Variants in SEMA6A observed in about 807,000 individuals in gnomAD.
SEMA6A encodes the protein semaphorin-6A.
Under a neutral mutation model 96.8 loss-of-function variants are expected in SEMA6A, and 25 were observed. The observed-to-expected ratio is 0.26, with a 90% CI of 0.19 to 0.36. The LOEUF (loss-of-function observed/expected upper bound fraction) is 0.36, where lower values mean the gene tolerates loss of function less well. Ranked by LOEUF, SEMA6A falls within the 10% of genes least tolerant of loss-of-function variation. SEMA6A has a pLI of 1.00. For missense variants in SEMA6A, 1,363 were observed against 1,323.1 expected (o/e 1.03, Z -0.47); for synonymous variants, 612 against 518.0 (o/e 1.18, Z -2.46).
chr5:116,564,497 G>C (rs142471823), intron 1 of SEMA6A, among the ~76,000 whole-genome samples: 2,498 of 152,276 alleles, frequency 0.016, 38 homozygotes, highest in Non-Finnish European at 0.024. Flanking sequence ...ACTGAAACAT[G>C]AAGTGTACCA....
At chr5:116,535,480 T>C (rs753104635) in intron 1 of SEMA6A, among the ~76,000 whole-genome samples, 30 of 152,186 alleles carry the variant, frequency 2.0e-4, no homozygotes, top group Non-Finnish European at 3.2e-4. Context: ...TCCTAATAAG[T>C]ATGTGATCTT....
Position 116,478,656 on chromosome 5 carries a change from A to C in SEMA6A, c.1313T>G (p.Val438Gly). ...AAGPYQNHTVVFLGSEKGIIL... is the reference protein window; with the variant it reads ...AAGPYQNHTVGFLGSEKGIIL... ...GATTCCCTTCTCTGATCCCAGAAAA[A>C]CCACAGTGTGATTCTGATATGGCCC... is the stretch of plus-strand genomic sequence containing the variant. Residue 438 changes from valine (V) to glycine (G), a missense_variant, in exon 13 of 19, where the codon GTT (valine) becomes GGT (glycine). Val to Gly is a moderately radical substitution (Grantham distance 109). This residue lies in a region of SEMA6A where 480 missense variants were observed against 559.5 expected (regional missense o/e 0.86). Transcript: ENST00000343348. The C allele has an allele frequency of 6.2e-7, 1 of 1,613,716 alleles. No individual in the cohort carries two copies. The highest frequency in any genetic ancestry group is 8.5e-7 in the Non-Finnish European group (1 of 1,179,818).
At chr5:116,473,931 C>T (rs948278996) in intron 16 of SEMA6A, among the ~76,000 whole-genome samples, 4 of 152,162 alleles carry the variant, frequency 2.6e-5, no homozygotes, top group Non-Finnish European at 5.9e-5. Flanking sequence ...CAAAGGCACA[C>T]TACAAAGCAC....
chr5:116,562,202 A>G (rs1760842841), intron 1 of SEMA6A, among the ~76,000 whole-genome samples: 1 of 152,222 alleles, frequency 6.6e-6, no homozygotes, highest in African/African-American at 2.4e-5. Context: ...TTACGAATCA[A>G]TTTAATTTCA....
At chr5:116,554,371 T>C (rs1760529640) in intron 1 of SEMA6A, among the ~76,000 whole-genome samples, 1 of 152,326 alleles carries the variant, frequency 6.6e-6, no homozygotes, top group Admixed American at 6.5e-5. Context: ...GCAAGCCCTA[T>C]CTAATGATTT....
chr5:116,489,758 T>C (rs1337510991), intron 7 of SEMA6A, among the ~76,000 whole-genome samples: 4 of 152,202 alleles, frequency 2.6e-5, no homozygotes, highest in African/African-American at 9.7e-5. Context: ...TGAGGGTAGA[T>C]CCCAGGCATA....
chr5:116,478,473 T>G, intron 13 of SEMA6A, 69 bp downstream of exon 13: 1 of 1,427,520 alleles, frequency 7.0e-7, no homozygotes, highest in Non-Finnish European at 9.4e-7. Context: ...GTCATGATTT[T>G]CTCTGAATGA....
chr5:116,448,713 T>A (rs1754431966), intron 18 of SEMA6A, among the ~76,000 whole-genome samples: 1 of 134,160 alleles, frequency 7.5e-6, no homozygotes, highest in South Asian at 2.3e-4. Context: ...ATAGCTAAAG[T>A]TCACAGACTA....
At chr5:116,475,428 ATTT>A in intron 16 of SEMA6A, 114 bp downstream of exon 16, 1 of 609,350 alleles carries the variant, frequency 1.6e-6, no homozygotes, top group South Asian at 2.6e-5. Flanking sequence ...GATTTCCGTC[ATTT>A]ACGCATGCTT....
intron 1 of SEMA6A, among the ~76,000 whole-genome samples, chr5:116,552,363 G>C (rs897780032): frequency 6.6e-6 from 1 of 152,078 alleles, no homozygotes; most frequent in Non-Finnish European, 1.5e-5. Context: ...GTCAAGGGGA[G>C]AAGTTCTATT....
At chr5:116,474,565 C>G (rs1477704384) in intron 16 of SEMA6A, among the ~76,000 whole-genome samples, 5 of 152,052 alleles carry the variant, frequency 3.3e-5, no homozygotes, top group Admixed American at 3.3e-4. Context: ...GATAAGTCTG[C>G]CTTTAGCCCT....
intron 1 of SEMA6A, among the ~76,000 whole-genome samples, chr5:116,573,629 GC>G (rs1483752417): frequency 6.6e-6 from 1 of 151,788 alleles, no homozygotes; most frequent in African/African-American, 2.4e-5. Context: ...ACGGAGCCCA[GC>G]CCAGACCCCA....
At chr5:116,488,797 A>C (rs985675259) in intron 8 of SEMA6A, 91 bp downstream of exon 8, 1 of 1,372,164 alleles carries the variant, frequency 7.3e-7, no homozygotes, top group African/African-American at 1.5e-5. Context: ...ACTCAAATGA[A>C]GATACAGTCT....
chr5:116,565,855 G>T (rs1215406490), intron 1 of SEMA6A, among the ~76,000 whole-genome samples: 2 of 152,062 alleles, frequency 1.3e-5, no homozygotes, highest in Non-Finnish European at 2.9e-5. Context: ...GGAAAGGAAC[G>T]TTTCCATTCA....
intron 16 of SEMA6A, 81 bp downstream of exon 16, chr5:116,475,464 C>T: frequency 1.1e-6 from 1 of 921,902 alleles, no homozygotes; most frequent in Non-Finnish European, 1.7e-6. Context: ...CACTCAGTTC[C>T]ACATGTGAGC....
rs777534252 is a variant in SEMA6A, at chr5:116,482,421, G to C, written c.1094+23C>G. On this transcript the variant is annotated intron_variant, in intron 11 of 18. Coordinates refer to ENST00000343348, the MANE Select transcript of SEMA6A (RefSeq NM_020796.5). ...TTTGCCATTTCTAAAGTTTAAAATA[G>C]CCATATGAATATTTGCACATACCTG... 4 of 1,607,492 alleles carry C rather than the reference G, an allele frequency of 2.5e-6. No homozygotes were observed. The African/African-American group carries it at 4.0e-5, about 16-fold the overall frequency.
intron 1 of SEMA6A, among the ~76,000 whole-genome samples, chr5:116,514,461 TG>T (rs1236019141): frequency 1.3e-5 from 2 of 152,196 alleles, no homozygotes; most frequent in African/African-American, 4.8e-5. Context: ...CACTTTTTAA[TG>T]GGGTTGTTTG....
chr5:116,505,461 A>ACG (rs1758104426), intron 1 of SEMA6A, among the ~76,000 whole-genome samples: 10 of 126,952 alleles, frequency 7.9e-5, no homozygotes, highest in African/African-American at 4.3e-4. Flanking sequence ...ACGCACGCGC[A>ACG]CACACACACA....
chr5:116,471,326 G>A (rs1756130765), intron 17 of SEMA6A: 1 of 152,126 alleles, frequency 6.6e-6, no homozygotes, highest in Non-Finnish European at 1.5e-5. Context: ...GTTCATAAGA[G>A]TATCTCATAG....
Sources: allele counts gnomAD v4.1 joint callset (sites outside exome capture counted in the v4.1 genomes callset), GRCh38; gene constraint gnomAD v4.1.1; regional missense constraint gnomAD v4.1.1; transcripts MANE v1.5; gene names NCBI Gene and HGNC (gene_info 2026-07-23, HGNC 2026-07-21).